Variants in DYRK1A observed in about 807,000 individuals in gnomAD.
DYRK1A encodes dual specificity tyrosine-phosphorylation-regulated kinase 1A.
A neutral mutation model predicts 79.7 loss-of-function variants in DYRK1A; 9 were observed. That is an observed-to-expected ratio of 0.11 (90% CI 0.07 to 0.20). DYRK1A has a LOEUF of 0.20. DYRK1A is among the 10% of genes least tolerant of loss of function. The pLI is 1.00. For missense variants in DYRK1A, 622 were observed against 956.0 expected (o/e 0.65, Z 4.61); for synonymous variants, 349 against 329.7 (o/e 1.06, Z -0.63).
chr21:37,437,308 G>GA (rs1343610931), intron 2 of DYRK1A, among the ~76,000 whole-genome samples: 8 of 152,142 alleles, frequency 5.3e-5, no homozygotes, highest in African/African-American at 1.7e-4. Flanking sequence ...TTTAAAATAT[G>GA]AAAATGTGGT....
chr21:37,373,280 A>G (rs1470966178), intron 1 of DYRK1A, among the ~76,000 whole-genome samples: 2 of 152,246 alleles, frequency 1.3e-5, no homozygotes, highest in Non-Finnish European at 2.9e-5. Context: ...AATGCCATAT[A>G]AATATAAAAT....
At chr21:37,389,871 T>C (rs969250406) in intron 1 of DYRK1A, among the ~76,000 whole-genome samples, 1 of 152,074 alleles carries the variant, frequency 6.6e-6, no homozygotes, top group Non-Finnish European at 1.5e-5. Context: ...TGCACAGTTC[T>C]GTCTAAACAC....
intron 1 of DYRK1A, among the ~76,000 whole-genome samples, chr21:37,379,294 G>GT (rs1270420003): frequency 6.6e-6 from 1 of 152,070 alleles, no homozygotes; most frequent in Non-Finnish European, 1.5e-5. Flanking sequence ...ATACGAAGAG[G>GT]TGAAAAGTGG....
At chr21:37,377,148 C>T (rs549791775) in intron 1 of DYRK1A, among the ~76,000 whole-genome samples, 1 of 152,092 alleles carries the variant, frequency 6.6e-6, no homozygotes, top group Non-Finnish European at 1.5e-5. Flanking sequence ...GAGACGGAGT[C>T]TCGCTCTTTC....
intron 7 of DYRK1A, among the ~76,000 whole-genome samples, chr21:37,492,228 C>T (rs1019523310): frequency 3.3e-5 from 5 of 152,180 alleles, no homozygotes; most frequent in Admixed American, 3.3e-4. Flanking sequence ...AGATTGTTCT[C>T]GAAGACTTGG....
intron 2 of DYRK1A, among the ~76,000 whole-genome samples, chr21:37,468,149 C>T (rs925358351): frequency 1.5e-4 from 23 of 152,140 alleles, no homozygotes; most frequent in Admixed American, 1.4e-3. Flanking sequence ...TCTCTGTTAC[C>T]CAGGCTGGAG....
At chr21:37,477,870 A>G (rs1348922618) in intron 3 of DYRK1A, among the ~76,000 whole-genome samples, 3 of 152,104 alleles carry the variant, frequency 2.0e-5, no homozygotes, top group East Asian at 1.9e-4. Flanking sequence ...TCTTTGGGCT[A>G]ATTGTGTGGT....
rs143981938 is a variant in DYRK1A at position 37,375,834 on chromosome 21, T to G, written c.-77+8206T>G. Reference sequence around the variant, plus strand: ...CTGGAGGAATATTCTTTACCTGTTATGAGGTTAACACTTTATTTGTATCAG... The same window carrying G: ...CTGGAGGAATATTCTTTACCTGTTAGGAGGTTAACACTTTATTTGTATCAG... On this transcript the variant is annotated intron_variant, in intron 1 of 11. Coordinates refer to ENST00000647188, the MANE Select transcript of DYRK1A (RefSeq NM_001347721.2). Among the ~76,000 whole-genome samples the G allele has an allele frequency of 1.7e-4, 26 of 152,188 alleles. No individual in the cohort carries two copies. In the South Asian group the frequency reaches 5.4e-3, roughly 32 times the overall value.
chr21:37,430,952 C>G (rs2050759838), intron 2 of DYRK1A, among the ~76,000 whole-genome samples: 1 of 152,156 alleles, frequency 6.6e-6, no homozygotes, highest in Non-Finnish European at 1.5e-5. Flanking sequence ...CTTTACCACC[C>G]AGAATGGCAT....
chr21:37,418,084 AATTATCTGCTT>A (rs1461362646), intron 1 of DYRK1A, among the ~76,000 whole-genome samples: 3 of 152,178 alleles, frequency 2.0e-5, no homozygotes, highest in Non-Finnish European at 2.9e-5. Context: ...TGGTGTGTGG[AATTATCTGCTT>A]ATTGTCATAT....
chr21:37,427,881 C>T (rs2050671453), intron 2 of DYRK1A, among the ~76,000 whole-genome samples: 1 of 152,082 alleles, frequency 6.6e-6, no homozygotes, highest in Non-Finnish European at 1.5e-5. Flanking sequence ...GTTTGTTACT[C>T]ATGTTTTTTG....
At chr21:37,477,908 T>C (rs1021284450) in intron 3 of DYRK1A, among the ~76,000 whole-genome samples, 1 of 152,204 alleles carries the variant, frequency 6.6e-6, no homozygotes, top group Non-Finnish European at 1.5e-5. Context: ...CAACATCCTG[T>C]GTGTCTCCTA....
At chr21:37,417,975 A>G (rs1157091455) in intron 1 of DYRK1A, among the ~76,000 whole-genome samples, 1 of 152,078 alleles carries the variant, frequency 6.6e-6, no homozygotes, top group Non-Finnish European at 1.5e-5. Context: ...TGAAAAATAT[A>G]CTCTATATTT....
At chr21:37,462,017 C>A (rs1269919074) in intron 2 of DYRK1A, among the ~76,000 whole-genome samples, 1 of 151,914 alleles carries the variant, frequency 6.6e-6, no homozygotes, top group East Asian at 1.9e-4. Flanking sequence ...TTTAGAATTT[C>A]CATTTAGTTC....
At chr21:37,467,482 T>C (rs1458299759) in intron 2 of DYRK1A, among the ~76,000 whole-genome samples, 2 of 152,252 alleles carry the variant, frequency 1.3e-5, no homozygotes, top group Non-Finnish European at 2.9e-5. Flanking sequence ...TTTCCCACCT[T>C]GGCCTCCAGA....
At chr21:37,427,782 A>T (rs1263310089) in intron 2 of DYRK1A, among the ~76,000 whole-genome samples, 1 of 152,134 alleles carries the variant, frequency 6.6e-6, no homozygotes, top group Non-Finnish European at 1.5e-5. Context: ...TAGGTATTTT[A>T]AAATGTTTGC....
intron 4 of DYRK1A, among the ~76,000 whole-genome samples, chr21:37,479,589 G>GTTTTTTTTTTTTT (rs1569361929): frequency 1.3e-5 from 1 of 74,382 alleles, no homozygotes; most frequent in African/African-American, 5.6e-5. Context: ...CAGTGTTGGT[G>GTTTTTTTTTTTTT]TTTTGTTTTT....
rs775938240 is a variant in DYRK1A, at chr21:37,512,152, A to G, written c.1886A>G (p.Asn629Ser). 19 of 1,614,058 alleles carry G rather than the reference A, an allele frequency of 1.2e-5. No individual in the cohort carries two copies. The highest frequency in any genetic ancestry group is 1.5e-5 in the Non-Finnish European group (18 of 1,180,044). Residue 629 changes from asparagine to serine, a missense_variant, in exon 12 of 12, where the codon AAT becomes AGT. By Grantham distance (46) the Asn-to-Ser change is conservative. Transcript: ENST00000647188. ...CCAAGGGTCTACAATTCTCCAACGA[A>G]TAGCTCCTCTACCCAAGATTCTATG... ...TRPRVYNSPTNSSSTQDSMEV... is the reference protein window; with the variant it reads ...TRPRVYNSPTSSSSTQDSMEV...
At chr21:37,430,579 A>G (rs2050750260) in intron 2 of DYRK1A, among the ~76,000 whole-genome samples, 1 of 152,182 alleles carries the variant, frequency 6.6e-6, no homozygotes, top group South Asian at 2.1e-4. Flanking sequence ...GACAGGACTG[A>G]GTGCAGACTT....
Sources: gnomAD v4.1 joint callset for allele counts (sites outside exome capture counted in the v4.1 genomes callset) on GRCh38, gnomAD v4.1.1 for gene constraint, MANE v1.5 for transcripts, NCBI Gene and HGNC (gene_info 2026-07-23, HGNC 2026-07-21) for gene names.